The following PSMD14 variants were observed in gnomAD, a reference collection of about 807,000 sequenced individuals.
PSMD14 encodes ubiquitin C-terminal hydrolase PSMD14.
In PSMD14, 7 loss-of-function variants were observed where a neutral mutation model predicts 41.2. The ratio of observed to expected loss-of-function variants is 0.17; its 90% CI spans 0.10 to 0.32. The LOEUF (loss-of-function observed/expected upper bound fraction) is 0.32, where lower values mean the gene tolerates loss of function less well. Ranked by LOEUF, PSMD14 falls within the 10% of genes least tolerant of loss-of-function variation. PSMD14 has a pLI of 1.00. For synonymous variants in PSMD14, 114 were observed against 122.3 expected, an observed-to-expected ratio of 0.93 and a Z score of 0.45; for missense variants, 139 against 375.6, an observed-to-expected ratio of 0.37 and a Z score of 5.21.
Position 161,343,060 on chromosome 2 carries a change from T to A in PSMD14, c.48+24187T>A, listed in dbSNP as rs576537033. Among the ~76,000 whole-genome samples, 355 of 152,346 alleles carry A rather than the reference T, an allele frequency of 2.3e-3. 1 individual carries two copies. Among genetic ancestry groups the A allele is most frequent in the African/African-American group, 7.9e-3 (330 of 41,588 alleles). On this transcript the variant is annotated intron_variant, in intron 3 of 11. Coordinates refer to ENST00000409682, the MANE Select transcript of PSMD14 (RefSeq NM_005805.6). Reference sequence around the variant, plus strand: ...TTTTGTCTAAATAGTTGTCTTTTTTTAATTGTGATCATACATATGTAACAT... The same window carrying A: ...TTTTGTCTAAATAGTTGTCTTTTTTAAATTGTGATCATACATATGTAACAT...
At chr2:161,346,920 C>A (rs1312905856) in intron 3 of PSMD14, among the ~76,000 whole-genome samples, 1 of 152,066 alleles carries the variant, frequency 6.6e-6, no homozygotes, top group African/African-American at 2.4e-5. Context: ...CATTATTAAG[C>A]TGAATACTCA....
At chr2:161,403,633 C>T (rs147971587) in intron 10 of PSMD14, among the ~76,000 whole-genome samples, 121 of 152,178 alleles carry the variant, frequency 8.0e-4, no homozygotes, top group African/African-American at 2.7e-3. Context: ...GGTCCAAACC[C>T]CATTTGGCTC....
At chr2:161,393,971 A>ATTTTTTTT (rs11452254) in intron 9 of PSMD14, among the ~76,000 whole-genome samples, 1 of 100,892 alleles carries the variant, frequency 9.9e-6, no homozygotes, top group African/African-American at 3.9e-5. Context: ...ACACTAGATA[A>ATTTTTTTT]TTTTTTTTTT....
chr2:161,341,862 T>TA (rs138340137), intron 3 of PSMD14, among the ~76,000 whole-genome samples: 6 of 135,250 alleles, frequency 4.4e-5, no homozygotes, highest in South Asian at 2.4e-4. Flanking sequence ...AAATTAAAAT[T>TA]AAAAAAAATA....
At chr2:161,323,101 A>T (rs1482746165) in intron 3 of PSMD14, among the ~76,000 whole-genome samples, 1 of 152,208 alleles carries the variant, frequency 6.6e-6, no homozygotes, top group African/African-American at 2.4e-5. Flanking sequence ...ATAATAGCTT[A>T]AACTCCATAA....
At chr2:161,380,434 C>T (rs561832202) in intron 7 of PSMD14, among the ~76,000 whole-genome samples, 3 of 152,042 alleles carry the variant, frequency 2.0e-5, no homozygotes, top group African/African-American at 7.2e-5. Flanking sequence ...AAAGCATATA[C>T]GTTCAAAACT....
chr2:161,389,038 T>A (rs1683671743), intron 8 of PSMD14, among the ~76,000 whole-genome samples: 2 of 152,210 alleles, frequency 1.3e-5, no homozygotes, highest in Non-Finnish European at 2.9e-5. Context: ...TTGTTATACC[T>A]GCTGATCTTT....
At chr2:161,368,476 A>G (rs1400626843) in intron 5 of PSMD14, among the ~76,000 whole-genome samples, 1 of 152,084 alleles carries the variant, frequency 6.6e-6, no homozygotes, top group Non-Finnish European at 1.5e-5. Context: ...TTACCTGTAT[A>G]GAATACATTA....
At chr2:161,394,745 A>G (rs1683768395) in intron 9 of PSMD14, among the ~76,000 whole-genome samples, 1 of 152,124 alleles carries the variant, frequency 6.6e-6, no homozygotes, top group African/African-American at 2.4e-5. Context: ...AAGGGAAGAA[A>G]GATTTTGTTT....
At chr2:161,397,144 G>T (rs1683811324) in intron 10 of PSMD14, among the ~76,000 whole-genome samples, 1 of 152,008 alleles carries the variant, frequency 6.6e-6, no homozygotes, top group Non-Finnish European at 1.5e-5. Context: ...AGTTATTTTT[G>T]ATCAGAGGCA....
At chr2:161,358,554 T>C (rs1040785420) in intron 3 of PSMD14, among the ~76,000 whole-genome samples, 1 of 152,220 alleles carries the variant, frequency 6.6e-6, no homozygotes, top group African/African-American at 2.4e-5. Context: ...TGCCCATTTC[T>C]GCCCATTACA....
At chr2:161,352,244 A>T (rs767240057) in intron 3 of PSMD14, among the ~76,000 whole-genome samples, 4 of 152,126 alleles carry the variant, frequency 2.6e-5, no homozygotes, top group Non-Finnish European at 5.9e-5. Context: ...GGAGCTAAAT[A>T]AAAAAAGATT....
chr2:161,395,054 ATTAC>A lies in PSMD14; in HGVS notation c.646-21_646-18del, dbSNP rs1351585924. Reference sequence around the variant, plus strand: ...GGGGTATCCTCAAGGCAGAAAAAGAATTACTTTTTCTTTTATTTTTTAGATGTTG... The same window carrying A: ...GGGGTATCCTCAAGGCAGAAAAAGAATTTTTCTTTTATTTTTTAGATGTTG... On this transcript the variant is annotated intron_variant, in intron 9 of 11. Coordinates refer to ENST00000409682, the MANE Select transcript of PSMD14 (RefSeq NM_005805.6). 3.9e-6 allele frequency: 6 copies of A among 1,556,256 alleles called. No individual in the cohort carries two copies. The African/African-American group carries it at 6.9e-5, about 18-fold the overall frequency.
At chr2:161,380,021 C>T (rs191071355) in intron 7 of PSMD14, among the ~76,000 whole-genome samples, 13 of 152,162 alleles carry the variant, frequency 8.5e-5, no homozygotes, top group African/African-American at 3.1e-4. Context: ...CGCTCCACAG[C>T]AGGTTCTGTT....
chr2:161,310,165 A>G (rs1689072497), intron 1 of PSMD14, among the ~76,000 whole-genome samples: 3 of 152,096 alleles, frequency 2.0e-5, no homozygotes, highest in African/African-American at 7.2e-5. Context: ...AAAAGAGAAA[A>G]AGCTGAATTT....
intron 3 of PSMD14, among the ~76,000 whole-genome samples, chr2:161,327,042 G>T (rs1451012962): frequency 6.6e-6 from 1 of 152,040 alleles, no homozygotes; most frequent in Non-Finnish European, 1.5e-5. Flanking sequence ...AACTTTAAAG[G>T]AATGAAATTC....
At chr2:161,314,520 T>C (rs1450680711) in intron 1 of PSMD14, among the ~76,000 whole-genome samples, 2 of 152,206 alleles carry the variant, frequency 1.3e-5, no homozygotes, top group African/African-American at 4.8e-5. Flanking sequence ...TAAAAAAATA[T>C]CTTAGCAATT....
chr2:161,330,310 G>A (rs1001322825), intron 3 of PSMD14, among the ~76,000 whole-genome samples: 1 of 152,174 alleles, frequency 6.6e-6, no homozygotes, highest in African/African-American at 2.4e-5. Context: ...ATATGGGAAA[G>A]AAGACAGAAG....
intron 3 of PSMD14, among the ~76,000 whole-genome samples, chr2:161,321,427 A>G (rs1682596240): frequency 6.6e-6 from 1 of 152,178 alleles, no homozygotes; most frequent in Non-Finnish European, 1.5e-5. Flanking sequence ...AATGTCCAAG[A>G]CATATTTTTT....
Sources: gnomAD v4.1 joint callset for allele counts (sites outside exome capture counted in the v4.1 genomes callset) on GRCh38, gnomAD v4.1.1 for gene constraint, MANE v1.5 for transcripts, NCBI Gene and HGNC (gene_info 2026-07-23, HGNC 2026-07-21) for gene names.